Variants in INSM1 observed in about 807,000 individuals in gnomAD.
INSM1 encodes INSM transcriptional repressor 1, also known as insulinoma-associated protein 1.
A neutral mutation model predicts 21.1 loss-of-function variants in INSM1; 11 were observed. That is an observed-to-expected ratio of 0.52 (90% CI 0.33 to 0.86). The LOEUF (loss-of-function observed/expected upper bound fraction) is 0.86. INSM1 is among the 40% of genes least tolerant of loss of function. INSM1 has a pLI of 0.03. For synonymous variants in INSM1, 473 were observed against 386.1 expected, an observed-to-expected ratio of 1.23 and a Z score of -2.64; for missense variants, 843 against 760.1, an observed-to-expected ratio of 1.11 and a Z score of -1.28.
Position 20,370,178 on chromosome 20 carries a change from C to T in INSM1, c.*378C>T, listed in dbSNP as rs2059495127. 1 of 209,548 alleles carries T rather than the reference C, an allele frequency of 4.8e-6. No individual in the cohort carries two copies. Among genetic ancestry groups the T allele is most frequent in the South Asian group, 1.6e-4 (1 of 6,086 alleles). The allele number at this position is 209,548 out of a possible 1,614,324, so 13.0% of individuals were successfully genotyped here. A position where few individuals can be genotyped will look rare whatever the true frequency, so the allele number is the denominator to read the frequency against. ...TCATGGTCTAGAAATGCGGTCTGGTCTCGCCTCGCCTACCAATCTCTGCTC... is the reference window on the plus strand; with the variant it reads ...TCATGGTCTAGAAATGCGGTCTGGTTTCGCCTCGCCTACCAATCTCTGCTC... On this transcript the variant is annotated 3_prime_UTR_variant, in exon 1 of 1. Transcript: ENST00000310227.
Position 20,369,343 on chromosome 20 carries a change from A to G in INSM1, c.1076A>G (p.Glu359Gly). Residue 359 changes from glutamate to glycine, a missense_variant, in exon 1 of 1, where the codon GAG becomes GGG. Glu to Gly is a moderately conservative substitution (Grantham distance 98). Coordinates refer to ENST00000310227, the MANE Select transcript of INSM1 (RefSeq NM_002196.3). This position sits in a 1 kb window ranked among gnomAD's most constrained non-coding sequence, Gnocchi z 5.6. ...RDTPSPGGVSESGSEDGLYEC... is the reference protein window; with the variant it reads ...RDTPSPGGVSGSGSEDGLYEC... The stretch of plus-strand genomic sequence containing the variant: ...ACGCCGAGCCCCGGCGGCGTGTCCG[A>G]GTCGGGCTCCGAGGACGGGCTCTAC... 1 of 1,467,156 alleles carries G rather than the reference A, an allele frequency of 6.8e-7. No individual in the cohort carries two copies. Among genetic ancestry groups the G allele is most frequent in the Non-Finnish European group, 8.9e-7 (1 of 1,121,402 alleles). 90.9% of individuals were successfully genotyped at this position (1,467,156 alleles called of 1,614,324 possible).
Position 20,369,772 on chromosome 20 carries a change from T to A in INSM1, c.1505T>A (p.Leu502Gln), listed in dbSNP as rs779818524. Residue 502 changes from leucine (L) to glutamine (Q), a missense_variant, in exon 1 of 1, where the codon CTG becomes CAG. Transcript: ENST00000310227. The surrounding 1 kb of genome is among the most constrained non-coding windows in gnomAD (Gnocchi z 5.6). ...TCCGAAAACAGACAGGTGATCCTCC[T>A]GCAGGTGCCCGTGCGCCCGGCCTGC... Reference protein sequence around the residue: ...HPSENRQVILLQVPVRPAC With the variant: ...HPSENRQVILQQVPVRPAC 5 of 1,600,528 alleles carry A rather than the reference T, an allele frequency of 3.1e-6. No individual in the cohort carries two copies. In the East Asian group the frequency reaches 1.1e-4, roughly 36 times the overall value.
In INSM1 at chr20:20,368,152, G is replaced by A. The variant is rs2059482399; in HGVS notation, c.-116G>A. The A allele has an allele frequency of 2.6e-6, 2 of 771,206 alleles. No individual in the cohort carries two copies. Among genetic ancestry groups the A allele is most frequent in the Admixed American group, 5.9e-5 (1 of 16,928 alleles). The allele number at this position is 771,206 out of a possible 1,614,324, so 47.8% of individuals were successfully genotyped here. On this transcript the variant is annotated 5_prime_UTR_variant, in exon 1 of 1. Transcript: ENST00000310227. The surrounding 1 kb of genome is among the most constrained non-coding windows in gnomAD (Gnocchi z 4.3). ...AGAGCTGGGCCGAGCCGTCGCCGGC[G>A]CCACGCGAGTCCCGCAGCCGCCGCG...
In INSM1 at chr20:20,368,351, C is replaced by A; in HGVS notation, c.84C>A (p.Arg28=). 1 of 1,238,074 alleles carries A rather than the reference C, an allele frequency of 8.1e-7. No homozygotes were observed. Among genetic ancestry groups the A allele is most frequent in the East Asian group, 5.5e-5 (1 of 18,164 alleles). 76.7% of individuals were successfully genotyped at this position (1,238,074 alleles called of 1,614,324 possible). ...TCCGCGGCGGCGAGGACGGCGACCGCGCACTGCTGCTCTCGCCCAGCTGCG... is the reference window on the plus strand; with the variant it reads ...TCCGCGGCGGCGAGGACGGCGACCGAGCACTGCTGCTCTCGCCCAGCTGCG... ...YRVRGGEDGD[R]ALLLSPSCGG... is the part of the protein sequence containing the mutation. The change falls in exon 1 of 1, where the codon CGC becomes CGA. Residue 28 remains arginine (R), a synonymous_variant. Coordinates refer to ENST00000310227, the MANE Select transcript of INSM1 (RefSeq NM_002196.3). This position sits in a 1 kb window ranked among gnomAD's most constrained non-coding sequence, Gnocchi z 4.3.
chr20:20,369,119 G>C lies in INSM1; in HGVS notation c.852G>C (p.Gln284His). 1 of 1,586,162 alleles carries C rather than the reference G, an allele frequency of 6.3e-7. No homozygotes were observed. The highest frequency in any genetic ancestry group is 8.5e-7 in the Non-Finnish European group (1 of 1,171,676). ...ACGCCGACCCGTTCGCGCTGGCGCAGCACAAATGCTCGCGCATCGTGCGTG... is the reference window on the plus strand; with the variant it reads ...ACGCCGACCCGTTCGCGCTGGCGCACCACAAATGCTCGCGCATCGTGCGTG... ...EEYADPFALA[Q>H]HKCSRIVRVE... The change falls in exon 1 of 1, where the codon CAG becomes CAC. Residue 284 changes from glutamine (Q) to histidine (H), a missense_variant. Transcript: ENST00000310227. The surrounding 1 kb of genome is among the most constrained non-coding windows in gnomAD (Gnocchi z 5.6).
rs771985771 is a variant in INSM1 at position 20,369,800 on chromosome 20, G to A, written c.1533G>A (p.Ter511=). ...AGGTGCCCGTGCGCCCGGCCTGCTAGAGCGCGCCCTCCACCCCGGCCCCCG... is the reference window on the plus strand; with the variant it reads ...AGGTGCCCGTGCGCCCGGCCTGCTAAAGCGCGCCCTCCACCCCGGCCCCCG... ...LLQVPVRPAC[*] The change falls in exon 1 of 1, where the codon TAG becomes TAA. Residue 511 remains the stop codon, a stop_retained_variant. Transcript: ENST00000310227. The surrounding 1 kb of genome is among the most constrained non-coding windows in gnomAD (Gnocchi z 5.6). 6.3e-7 allele frequency: 1 copy of A among 1,588,372 alleles called. No homozygotes were observed. The highest frequency in any genetic ancestry group is 2.3e-5 in the East Asian group (1 of 44,202).
rs2059487621 is a variant in INSM1 at position 20,368,958 on chromosome 20, T to C, written c.691T>C (p.Phe231Leu). Residue 231 changes from phenylalanine to leucine, a missense_variant, in exon 1 of 1, where the codon TTC becomes CTC. By Grantham distance (22) the Phe-to-Leu change is conservative (BLOSUM62 0). Transcript: ENST00000310227. This position sits in a 1 kb window ranked among gnomAD's most constrained non-coding sequence, Gnocchi z 4.3. ...KKPKAIRKLH[F>L]EDEVTTSPVL... The stretch of plus-strand genomic sequence containing the variant: ...GCCCAAGGCCATCCGCAAGCTGCAC[T>C]TCGAGGACGAGGTGACCACGTCGCC... 1 of 1,556,192 alleles carries C rather than the reference T, an allele frequency of 6.4e-7. No homozygotes were observed. Among genetic ancestry groups the C allele is most frequent in the Non-Finnish European group, 8.7e-7 (1 of 1,154,422 alleles).
chr20:20,368,294 C>T lies in INSM1; in HGVS notation c.27C>T (p.Arg9=), dbSNP rs562945031. The part of the protein sequence containing the change: MPRGFLVK[R]SKKSTPVSYR... ...TGCCCCGCGGCTTCCTGGTGAAGCG[C>T]AGCAAGAAGTCCACGCCCGTTTCCT... is the stretch of plus-strand genomic sequence containing the variant. The change falls in exon 1 of 1, where the codon CGC becomes CGT. Residue 9 remains arginine (R), a synonymous_variant. Transcript: ENST00000310227. This position sits in a 1 kb window ranked among gnomAD's most constrained non-coding sequence, Gnocchi z 4.3. 2.3e-6 allele frequency: 3 copies of T among 1,314,636 alleles called. No individual in the cohort carries two copies. The highest frequency in any genetic ancestry group is 1.6e-5 in the African/African-American group (1 of 64,332). 81.4% of individuals were successfully genotyped at this position (1,314,636 alleles called of 1,614,324 possible). A position where few individuals can be genotyped will look rare whatever the true frequency, so the allele number is the denominator to read the frequency against.
Position 20,369,438 on chromosome 20 carries a change from C to G in INSM1, c.1171C>G (p.Gln391Glu). ...ACGCAAGCACCTGCTGGCGCACCAC[C>G]AGGCGCTGCAGGCCAAGGGCGCGCC... The part of the protein sequence containing the change: ...YLRKHLLAHH[Q>E]ALQAKGAPLA... The change falls in exon 1 of 1, where the codon CAG becomes GAG. Residue 391 changes from glutamine (Q) to glutamate (E), a missense_variant. Coordinates refer to ENST00000310227, the MANE Select transcript of INSM1 (RefSeq NM_002196.3). The surrounding 1 kb of genome is among the most constrained non-coding windows in gnomAD (Gnocchi z 5.6). 1.9e-6 allele frequency: 3 copies of G among 1,543,088 alleles called. No individual in the cohort carries two copies. The highest frequency in any genetic ancestry group is 2.6e-6 in the Non-Finnish European group (3 of 1,155,150).
In INSM1 at chr20:20,368,274, C is replaced by T; in HGVS notation, c.7C>T (p.Arg3Cys). 7.8e-7 allele frequency: 1 copy of T among 1,280,162 alleles called. No homozygotes were observed. Among genetic ancestry groups the T allele is most frequent in the South Asian group, 1.6e-5 (1 of 61,176 alleles). The allele number at this position is 1,280,162 out of a possible 1,614,324, so 79.3% of individuals were successfully genotyped here. A position where few individuals can be genotyped will look rare whatever the true frequency, so the allele number is the denominator to read the frequency against. The stretch of plus-strand genomic sequence containing the variant: ...GCCCTCGGGCCGCGCCAACATGCCC[C>T]GCGGCTTCCTGGTGAAGCGCAGCAA... MP[R>C]GFLVKRSKKS... Residue 3 changes from arginine to cysteine, a missense_variant, in exon 1 of 1, where the codon CGC becomes TGC. Arg to Cys is a radical substitution (Grantham distance 180, BLOSUM62 -3). Coordinates refer to ENST00000310227, the MANE Select transcript of INSM1 (RefSeq NM_002196.3). This position sits in a 1 kb window ranked among gnomAD's most constrained non-coding sequence, Gnocchi z 4.3.
rs1314712611 is a variant in INSM1 at position 20,369,691 on chromosome 20, C to T, written c.1424C>T (p.Pro475Leu). Residue 475 changes from proline to leucine, a missense_variant, in exon 1 of 1, where the codon CCG (proline) becomes CTG (leucine). Transcript: ENST00000310227. The surrounding 1 kb of genome is among the most constrained non-coding windows in gnomAD (Gnocchi z 5.6). ...CAGGTGTTCCCCTGCAAGTACTGCC[C>T]GGCCACCTTCTACAGCTCGCCCGGC... ...AAQVFPCKYC[P>L]ATFYSSPGLT... 3 of 1,600,662 alleles carry T rather than the reference C, an allele frequency of 1.9e-6. No homozygotes were observed. Among genetic ancestry groups the T allele is most frequent in the East Asian group, 4.5e-5 (2 of 44,848 alleles).
Position 20,369,197 on chromosome 20 carries a change from G to A in INSM1, c.930G>A (p.Leu310=). The part of the protein sequence containing the change: ...CAKVFSCPAN[L]ASHRRWHKPR... ...AGGTCTTCAGCTGCCCGGCCAACCTGGCCTCGCACCGCCGCTGGCACAAAC... is the reference window on the plus strand; with the variant it reads ...AGGTCTTCAGCTGCCCGGCCAACCTAGCCTCGCACCGCCGCTGGCACAAAC... The change falls in exon 1 of 1, where the codon CTG becomes CTA. Residue 310 remains leucine (L), a synonymous_variant. Coordinates refer to ENST00000310227, the MANE Select transcript of INSM1 (RefSeq NM_002196.3). The surrounding 1 kb of genome is among the most constrained non-coding windows in gnomAD (Gnocchi z 5.6). 1 of 1,546,126 alleles carries A rather than the reference G, an allele frequency of 6.5e-7. No individual in the cohort carries two copies. Among genetic ancestry groups the A allele is most frequent in the South Asian group, 1.2e-5 (1 of 85,854 alleles).
rs1351104316 is a variant in INSM1, at chr20:20,369,087, G to A, written c.820G>A (p.Glu274Lys). The A allele has an allele frequency of 1.9e-6, 3 of 1,587,090 alleles. No homozygotes were observed. Among genetic ancestry groups the A allele is most frequent in the Non-Finnish European group, 2.6e-6 (3 of 1,171,182 alleles). ...CGAGTTCATCTGCCAGCTGTGCAAG[G>A]AGGAGTACGCCGACCCGTTCGCGCT... is the stretch of plus-strand genomic sequence containing the variant. ...LGEFICQLCK[E>K]EYADPFALAQ... The change falls in exon 1 of 1, where the codon GAG (glutamate) becomes AAG (lysine). Residue 274 changes from glutamate to lysine, a missense_variant. Glu to Lys is a moderately conservative substitution (Grantham distance 56). Transcript: ENST00000310227. This position sits in a 1 kb window ranked among gnomAD's most constrained non-coding sequence, Gnocchi z 5.6.
rs2059482880 is a variant in INSM1 at position 20,368,230 on chromosome 20, G to T, written c.-38G>T. On this transcript the variant is annotated 5_prime_UTR_variant, in exon 1 of 1. Transcript: ENST00000310227. This position sits in a 1 kb window ranked among gnomAD's most constrained non-coding sequence, Gnocchi z 4.3. Reference sequence around the variant, plus strand: ...GGCCGCCGGGGCCGAGCGCGGAGGGGGGACCGAGCCAGTGCCGTGCCCTCG... The same window carrying T: ...GGCCGCCGGGGCCGAGCGCGGAGGGTGGACCGAGCCAGTGCCGTGCCCTCG... The T allele has an allele frequency of 4.5e-5, 50 of 1,104,392 alleles. No homozygotes were observed. The highest frequency in any genetic ancestry group is 5.5e-5 in the Non-Finnish European group (50 of 904,404). 68.4% of individuals were successfully genotyped at this position (1,104,392 alleles called of 1,614,324 possible). A position where few individuals can be genotyped will look rare whatever the true frequency, so the allele number is the denominator to read the frequency against.
In INSM1 at chr20:20,369,528, G is replaced by C; in HGVS notation, c.1261G>C (p.Glu421Gln). 6.4e-7 allele frequency: 1 copy of C among 1,559,618 alleles called. No homozygotes were observed. Among genetic ancestry groups the C allele is most frequent in the Non-Finnish European group, 8.6e-7 (1 of 1,161,268 alleles). ...CGGGCCCGACGAGAAGGCGCCCCAG[G>C]AGGCGGCCGGCGACGGCGAGGGGGC... ...YPGPDEKAPQ[E>Q]AAGDGEGAGV... is the part of the protein sequence containing the mutation. Residue 421 changes from glutamate to glutamine, a missense_variant, in exon 1 of 1, where the codon GAG (glutamate) becomes CAG (glutamine). Glu to Gln is a conservative substitution (Grantham distance 29, BLOSUM62 2). Transcript: ENST00000310227. The surrounding 1 kb of genome is among the most constrained non-coding windows in gnomAD (Gnocchi z 5.6).
Position 20,369,024 on chromosome 20 carries a change from C to G in INSM1, c.757C>G (p.Pro253Ala). 1.3e-6 allele frequency: 2 copies of G among 1,527,268 alleles called. No individual in the cohort carries two copies. Among genetic ancestry groups the G allele is most frequent in the Non-Finnish European group, 1.8e-6 (2 of 1,142,014 alleles). 94.6% of individuals were successfully genotyped at this position (1,527,268 alleles called of 1,614,324 possible). Residue 253 changes from proline (P) to alanine (A), a missense_variant, in exon 1 of 1, where the codon CCG (proline) becomes GCG (alanine). Coordinates refer to ENST00000310227, the MANE Select transcript of INSM1 (RefSeq NM_002196.3). The surrounding 1 kb of genome is among the most constrained non-coding windows in gnomAD (Gnocchi z 5.6). Reference protein sequence around the residue: ...LKIKEGPVEAPRGRAGGAARP... With the variant: ...LKIKEGPVEAARGRAGGAARP... ...GATCAAGGAGGGCCCGGTGGAGGCG[C>G]CGCGGGGCCGCGCGGGGGGCGCGGC... is the stretch of plus-strand genomic sequence containing the variant.
Position 20,370,125 on chromosome 20 carries a change from CT to C in INSM1, c.*332del. 5 of 310,516 alleles carry C rather than the reference CT, an allele frequency of 1.6e-5. No individual in the cohort carries two copies. Among genetic ancestry groups the C allele is most frequent in the South Asian group, 1.1e-4 (1 of 9,414 alleles). 19.2% of individuals were successfully genotyped at this position (310,516 alleles called of 1,614,324 possible). On this transcript the variant is annotated 3_prime_UTR_variant, in exon 1 of 1. Transcript: ENST00000310227. ...GAAGCCTCCCCTTGGCGGGGAGAAG[CT>C]TTTTTTCTTGCTAGTATTCGCTGTG...
rs768441851 is a variant in INSM1, at chr20:20,368,896, C to A, written c.629C>A (p.Pro210Gln). 7 of 1,476,014 alleles carry A rather than the reference C, an allele frequency of 4.7e-6. No homozygotes were observed. Among genetic ancestry groups the A allele is most frequent in the Non-Finnish European group, 4.5e-6 (5 of 1,115,814 alleles). The allele number at this position is 1,476,014 out of a possible 1,614,324, so 91.4% of individuals were successfully genotyped here. The change falls in exon 1 of 1, where the codon CCG (proline) becomes CAG (glutamine). Residue 210 changes from proline (P) to glutamine (Q), a missense_variant. Physicochemically the swap from Pro to Gln is moderately conservative, Grantham distance 76. Transcript: ENST00000310227. This position sits in a 1 kb window ranked among gnomAD's most constrained non-coding sequence, Gnocchi z 4.3. ...CCCCCGCCCCCTACCGCCGCGGAGC[C>A]GCCCGCCAAGGCAGTCAAGGCCCCG... ...KRPPPPTAAE[P>Q]PAKAVKAPGA...
chr20:20,369,160 C>T lies in INSM1; in HGVS notation c.893C>T (p.Pro298Leu). 1 of 1,579,776 alleles carries T rather than the reference C, an allele frequency of 6.3e-7. No individual in the cohort carries two copies. The highest frequency in any genetic ancestry group is 8.5e-7 in the Non-Finnish European group (1 of 1,169,760). ...SRIVRVEYRC[P>L]ECAKVFSCPA... ...ATCGTGCGTGTGGAGTACCGCTGTC[C>T]CGAGTGCGCCAAGGTCTTCAGCTGC... The change falls in exon 1 of 1, where the codon CCC (proline) becomes CTC (leucine). Residue 298 changes from proline (P) to leucine (L), a missense_variant. By Grantham distance (98) the Pro-to-Leu change is moderately conservative. Transcript: ENST00000310227. The surrounding 1 kb of genome is among the most constrained non-coding windows in gnomAD (Gnocchi z 5.6).
Sources: gnomAD v4.1 joint callset for allele counts on GRCh38, gnomAD v4.1.1 for gene constraint, Gnocchi (gnomAD v3.1) non-coding constraint, MANE v1.5 for transcripts, NCBI Gene and HGNC (gene_info 2026-07-23, HGNC 2026-07-21) for gene names.